The following RBFOX1 variants were observed in gnomAD, a reference collection of about 807,000 sequenced individuals.
RBFOX1 encodes the protein RNA binding fox-1 homolog 1.
RBFOX1 carries 8 observed loss-of-function variants against 57.7 expected under a neutral mutation model. That is an observed-to-expected ratio of 0.14 (90% CI 0.08 to 0.25). RBFOX1 has a LOEUF of 0.25. Ranked by LOEUF, RBFOX1 falls within the 10% of genes least tolerant of loss-of-function variation. The probability of loss-of-function intolerance (pLI) is 1.00; values close to 1 mark genes in which losing one functional copy is unlikely to be tolerated. For missense variants in RBFOX1, 611 were observed against 548.5 expected (o/e 1.11, Z -1.14); for synonymous variants, 326 against 222.4 (o/e 1.47, Z -4.15).
intron 4 of RBFOX1, among the ~76,000 whole-genome samples, chr16:5,998,850 G>T (rs574715599): frequency 1.3e-5 from 2 of 152,292 alleles, no homozygotes; most frequent in South Asian, 2.1e-4. Flanking sequence ...ATTGCAGTCA[G>T]ATTTTAATCC....
intron 4 of RBFOX1, among the ~76,000 whole-genome samples, chr16:7,181,188 C>T (rs912767458): frequency 4.6e-5 from 7 of 152,074 alleles, no homozygotes; most frequent in South Asian, 4.2e-4. Flanking sequence ...CTTCTTTGAA[C>T]CTTGCGTAGT....
chr16:6,506,666 G>T (rs1371418035), intron 2 of RBFOX1, among the ~76,000 whole-genome samples: 1 of 48,074 alleles, frequency 2.1e-5, no homozygotes, highest in Non-Finnish European at 3.8e-5. Flanking sequence ...TTTTTTTTTT[G>T]AGATGGAGTC....
intron 1 of RBFOX1, among the ~76,000 whole-genome samples, chr16:5,341,486 C>G (rs1206252861): frequency 6.6e-6 from 1 of 152,084 alleles, no homozygotes; most frequent in Non-Finnish European, 1.5e-5. Flanking sequence ...TTGGAGCTGA[C>G]AGGACTTGGG....
At chr16:6,637,772 T>C (rs1387282847) in intron 2 of RBFOX1, among the ~76,000 whole-genome samples, 5 of 151,736 alleles carry the variant, frequency 3.3e-5, no homozygotes, top group Admixed American at 6.6e-5. Context: ...CACAACAAGT[T>C]GGCGTTATTT....
chr16:7,170,049 A>G (rs543136713), intron 4 of RBFOX1, among the ~76,000 whole-genome samples: 143 of 152,274 alleles, frequency 9.4e-4, no homozygotes, highest in African/African-American at 3.4e-3. Context: ...ACTCTAGCCT[A>G]GGTGATAGAG....
chr16:5,994,432 G>T (rs957789930), intron 4 of RBFOX1, among the ~76,000 whole-genome samples: 2 of 152,210 alleles, frequency 1.3e-5, no homozygotes, highest in Non-Finnish European at 2.9e-5. Flanking sequence ...AAAGTGCTGG[G>T]ATTACAAGCA....
intron 4 of RBFOX1, among the ~76,000 whole-genome samples, chr16:7,316,886 TA>T (rs1455439044): frequency 2.0e-5 from 3 of 151,030 alleles, no homozygotes; most frequent in Non-Finnish European, 4.4e-5. Context: ...AAGAGACACA[TA>T]AGGGCCAGAG....
At chr16:6,791,714 G>C (rs1337997277) in intron 3 of RBFOX1, among the ~76,000 whole-genome samples, 2 of 152,130 alleles carry the variant, frequency 1.3e-5, no homozygotes, top group South Asian at 2.1e-4. Flanking sequence ...AGCAGAGATC[G>C]TGCCACACTG....
intron 4 of RBFOX1, among the ~76,000 whole-genome samples, chr16:7,298,297 T>G (rs542651434): frequency 4.7e-5 from 7 of 148,390 alleles, no homozygotes; most frequent in Admixed American, 2.0e-4. Context: ...TTTTTTTTTT[T>G]TTTTTTTTTG....
intron 3 of RBFOX1, among the ~76,000 whole-genome samples, chr16:6,924,702 T>C (rs1363315507): frequency 6.6e-6 from 1 of 152,074 alleles, no homozygotes; most frequent in Non-Finnish European, 1.5e-5. Context: ...TTATTATACT[T>C]TAAGTTTTAG....
intron 1 of RBFOX1, among the ~76,000 whole-genome samples, chr16:5,432,063 C>A (rs1051490389): frequency 2.0e-5 from 3 of 152,034 alleles, no homozygotes; most frequent in African/African-American, 7.2e-5. Context: ...AAAGACGCCC[C>A]TTTTGGGGAC....
At chr16:7,676,721 C>G in intron 13 of RBFOX1, 53 bp from the exon 14 acceptor site, 2 of 1,475,772 alleles carry the variant, frequency 1.4e-6, no homozygotes, top group Non-Finnish European at 9.5e-7. Context: ...CACTGGGCAT[C>G]CCTGCATTGG....
chr16:6,254,151 C>T (rs985932515), intron 1 of RBFOX1, among the ~76,000 whole-genome samples: 2 of 152,176 alleles, frequency 1.3e-5, no homozygotes, highest in African/African-American at 4.8e-5. Flanking sequence ...TTGTAAGCAC[C>T]CTCGTCAATA....
chr16:7,207,151 G>C (rs2090157135), intron 4 of RBFOX1, among the ~76,000 whole-genome samples: 2 of 152,180 alleles, frequency 1.3e-5, no homozygotes, highest in African/African-American at 4.8e-5. Flanking sequence ...TGATCAGCAA[G>C]AGGTGTACGC....
intron 4 of RBFOX1, among the ~76,000 whole-genome samples, chr16:7,308,665 A>G (rs2096247226): frequency 6.6e-6 from 1 of 152,228 alleles, no homozygotes; most frequent in South Asian, 2.1e-4. Context: ...ACATCTTCAG[A>G]TCGAAAGCAA....
Position 7,149,453 on chromosome 16 carries a change from G to T in RBFOX1, c.27+97355G>T, listed in dbSNP as rs760530060. 1.4e-3 allele frequency among the ~76,000 whole-genome samples: 207 copies of T among 149,828 alleles called. 1 individual carries two copies. The highest frequency in any genetic ancestry group is 2.2e-3 in the Non-Finnish European group (149 of 67,454). On this transcript the variant is annotated intron_variant, in intron 4 of 15. Coordinates refer to ENST00000550418, the MANE Select transcript of RBFOX1 (RefSeq NM_018723.4). ...TTTCATGGATTGGTGCAAGCTTCCT[G>T]TGGCTCTTTCTTTTTCTTTTCTTTC... is the stretch of plus-strand genomic sequence containing the variant.
Position 5,406,271 on chromosome 16 carries a change from C to T in RBFOX1, c.220-60945C>T, listed in dbSNP as rs151147204. On this transcript the variant is annotated intron_variant, in intron 1 of 2. Transcript: ENST00000585867. ...TAGCGTTTGAATTGGTGGATGAGTACAGCAGATGGCTGTACTCTACCCCAG... is the reference window on the plus strand; with the variant it reads ...TAGCGTTTGAATTGGTGGATGAGTATAGCAGATGGCTGTACTCTACCCCAG... 3.9e-3 allele frequency among the ~76,000 whole-genome samples: 600 copies of T among 152,160 alleles called. 6 individuals carry two copies. Among genetic ancestry groups the T allele is most frequent in the African/African-American group, 0.013 (542 of 41,482 alleles).
intron 3 of RBFOX1, among the ~76,000 whole-genome samples, chr16:5,779,460 T>C (rs980383902): frequency 8.5e-5 from 13 of 152,342 alleles, no homozygotes; most frequent in South Asian, 4.1e-4. Context: ...GACTGCATTA[T>C]ATTACATGAC....
chr16:7,181,337 C>T (rs958596574), intron 4 of RBFOX1, among the ~76,000 whole-genome samples: 2 of 152,168 alleles, frequency 1.3e-5, no homozygotes, highest in African/African-American at 2.4e-5. Flanking sequence ...TCTCTGCCCT[C>T]TCCAAACCCC....
Sources: gnomAD v4.1 joint callset for allele counts (sites outside exome capture counted in the v4.1 genomes callset) on GRCh38, gnomAD v4.1.1 for gene constraint, MANE v1.5 for transcripts, NCBI Gene and HGNC (gene_info 2026-07-23, HGNC 2026-07-21) for gene names.